DEPTOR: variants seen among roughly 807,000 people sequenced by gnomAD.
DEPTOR encodes the protein DEP domain containing MTOR interacting protein, also known as DEP domain-containing mTOR-interacting protein.
In DEPTOR, 41 loss-of-function variants were observed where a neutral mutation model predicts 41.6. The observed-to-expected ratio is 0.98, with a 90% CI of 0.77 to 1.28. The LOEUF (loss-of-function observed/expected upper bound fraction) is 1.28. DEPTOR is among the 50% of genes most tolerant of loss of function. The pLI is 0.00. For missense variants in DEPTOR, 514 were observed against 527.9 expected (o/e 0.97, Z 0.26); for synonymous variants, 195 against 192.3 (o/e 1.01, Z -0.12).
chr8:119,919,107 A>G (rs1258113536), intron 1 of DEPTOR, among the ~76,000 whole-genome samples: 1 of 152,174 alleles, frequency 6.6e-6, no homozygotes, highest in Non-Finnish European at 1.5e-5. Flanking sequence ...TCAGGTTGGG[A>G]GAATTCAAGC....
At chr8:119,937,670 TGCC>T (rs1828131658) in intron 3 of DEPTOR, among the ~76,000 whole-genome samples, 9 of 152,182 alleles carry the variant, frequency 5.9e-5, no homozygotes, top group Admixed American at 5.9e-4. Context: ...ACAAGTTTGC[TGCC>T]ACCATTTTGT....
intron 8 of DEPTOR, among the ~76,000 whole-genome samples, chr8:120,021,229 C>A (rs926747418): frequency 2.0e-5 from 3 of 151,800 alleles, no homozygotes; most frequent in Non-Finnish European, 2.9e-5. Context: ...ATGGCGAAAC[C>A]CCGTCTCTAC....
At chr8:119,959,158 C>CTTTTTTTTTTTTTTTT (rs60202859) in intron 3 of DEPTOR, among the ~76,000 whole-genome samples, 4 of 114,870 alleles carry the variant, frequency 3.5e-5, no homozygotes, top group African/African-American at 6.8e-5. Context: ...TTCTTTCTTT[C>CTTTTTTTTTTTTTTTT]TTTTTTTTTT....
At position 119,981,423 on chromosome 8, in the gene DEPTOR, G is replaced by A. The variant is rs564661202; in HGVS notation, c.604+16013G>A. On this transcript the variant is annotated intron_variant, in intron 4 of 8. Transcript: ENST00000286234. Reference sequence around the variant, plus strand: ...TGTATTCCCAGCACTTTGGGAGGCCGAGGCAGGCAATCGTTTGAGGCCAGG... The same window carrying A: ...TGTATTCCCAGCACTTTGGGAGGCCAAGGCAGGCAATCGTTTGAGGCCAGG... Among the ~76,000 whole-genome samples the A allele has an allele frequency of 6.7e-4, 101 of 151,170 alleles. No individual in the cohort carries two copies. In the Middle Eastern group the frequency reaches 0.014, roughly 21 times the overall value.
At chr8:119,991,091 T>TTTC (rs1812163781) in intron 4 of DEPTOR, among the ~76,000 whole-genome samples, 2 of 123,244 alleles carry the variant, frequency 1.6e-5, no homozygotes, top group South Asian at 5.0e-4. Flanking sequence ...TCTTTCTTTT[T>TTTC]CTTTCTTTCT....
At chr8:119,920,058 C>T (rs1020461057) in intron 1 of DEPTOR, among the ~76,000 whole-genome samples, 2 of 151,944 alleles carry the variant, frequency 1.3e-5, no homozygotes, top group African/African-American at 2.4e-5. Context: ...GAATCTAAAG[C>T]CTGTGAACCA....
intron 4 of DEPTOR, 55 bp downstream of exon 4, chr8:119,965,465 G>A (rs1828547844): frequency 6.3e-7 from 1 of 1,582,516 alleles, no homozygotes; most frequent in Non-Finnish European, 8.6e-7. Flanking sequence ...CCCAAATCTT[G>A]TGTCTTACAA....
At chr8:120,002,258 GC>G (rs1396450610) in intron 5 of DEPTOR, among the ~76,000 whole-genome samples, 1 of 151,974 alleles carries the variant, frequency 6.6e-6, no homozygotes, top group African/African-American at 2.4e-5. Context: ...TCCTGCCTCA[GC>G]CTCCCAAGTA....
At chr8:120,029,475 A>T (rs1812852031) in intron 8 of DEPTOR, among the ~76,000 whole-genome samples, 1 of 152,076 alleles carries the variant, frequency 6.6e-6, no homozygotes, top group African/African-American at 2.4e-5. Flanking sequence ...GGCTCACTGC[A>T]ACCTCTATCT....
chr8:120,044,908 A>T (rs1259623806), intron 8 of DEPTOR, among the ~76,000 whole-genome samples: 1 of 152,252 alleles, frequency 6.6e-6, no homozygotes, highest in Non-Finnish European at 1.5e-5. Context: ...GCTGGTATTT[A>T]TTAGGTTGGT....
chr8:119,982,846 T>G (rs891986578), intron 4 of DEPTOR, among the ~76,000 whole-genome samples: 1 of 152,188 alleles, frequency 6.6e-6, no homozygotes, highest in Non-Finnish European at 1.5e-5. Context: ...CTACATCTCA[T>G]GGGCCAGAAC....
chr8:119,875,195 C>T (rs1008428303), intron 1 of DEPTOR, among the ~76,000 whole-genome samples: 1 of 152,018 alleles, frequency 6.6e-6, no homozygotes, highest in South Asian at 2.1e-4. Context: ...ACGCGGTGCC[C>T]GTGTGAAGAG....
In DEPTOR at chr8:119,910,350, T is replaced by C. The variant is rs553503451; in HGVS notation, c.123-18050T>C. 5.3e-5 allele frequency among the ~76,000 whole-genome samples: 8 copies of C among 152,368 alleles called. No homozygotes were observed. In the South Asian group the frequency reaches 1.7e-3, roughly 32 times the overall value. ...CCTGAGGGTGGTCAGATATGTGAAA[T>C]AGCATTTTATTACGCAGCCCTGGGA... On this transcript the variant is annotated intron_variant, in intron 1 of 8. Transcript: ENST00000286234.
chr8:120,003,032 C>T lies in DEPTOR; in HGVS notation c.846C>T (p.Ser282=). The change falls in exon 6 of 9, where the codon AGC becomes AGT. Residue 282 remains serine (S), a synonymous_variant. Transcript: ENST00000286234. ...IVSAVRRSSM[S]SCGSSGYFSS... is the part of the protein sequence containing the mutation. ...CTGCAGTGAGGAGAAGCAGCATGAGCAGCTGTGGCAGCAGCGGCTACTTCA... is the reference window on the plus strand; with the variant it reads ...CTGCAGTGAGGAGAAGCAGCATGAGTAGCTGTGGCAGCAGCGGCTACTTCA... 6.2e-7 allele frequency: 1 copy of T among 1,608,126 alleles called. No homozygotes were observed. Among genetic ancestry groups the T allele is most frequent in the Non-Finnish European group, 8.5e-7 (1 of 1,177,924 alleles).
intron 1 of DEPTOR, among the ~76,000 whole-genome samples, chr8:119,901,694 A>G (rs1480530269): frequency 6.7e-6 from 1 of 148,988 alleles, no homozygotes; most frequent in East Asian, 1.9e-4. Flanking sequence ...AAAAAAAAAA[A>G]GAACGAAAGA....
At chr8:119,895,944 G>A (rs1373620953) in intron 1 of DEPTOR, among the ~76,000 whole-genome samples, 1 of 152,016 alleles carries the variant, frequency 6.6e-6, no homozygotes, top group Non-Finnish European at 1.5e-5. Context: ...GTTAAACTAG[G>A]TTATTTTTTT....
chr8:119,881,978 C>T (rs1256309849), intron 1 of DEPTOR, among the ~76,000 whole-genome samples: 5 of 152,134 alleles, frequency 3.3e-5, no homozygotes, highest in South Asian at 2.1e-4. Context: ...GCAACCTCTG[C>T]CTCCCAGGTT....
At chr8:119,924,422 A>G (rs1324966295) in intron 1 of DEPTOR, among the ~76,000 whole-genome samples, 1 of 152,074 alleles carries the variant, frequency 6.6e-6, no homozygotes, top group African/African-American at 2.4e-5. Context: ...TTTTCCTTCA[A>G]ACTTTGGGGT....
intron 4 of DEPTOR, among the ~76,000 whole-genome samples, chr8:119,975,785 G>A (rs1054515173): frequency 6.6e-6 from 1 of 151,594 alleles, no homozygotes; most frequent in Admixed American, 6.6e-5. Flanking sequence ...CCAGGGGAGC[G>A]TCTAACAGTG....
Sources: gnomAD v4.1 joint callset for allele counts (sites outside exome capture counted in the v4.1 genomes callset) on GRCh38, gnomAD v4.1.1 for gene constraint, MANE v1.5 for transcripts, NCBI Gene and HGNC (gene_info 2026-07-23, HGNC 2026-07-21) for gene names.